The following EEIG2 variants were observed in gnomAD, a reference collection of about 807,000 sequenced individuals.
EEIG2 encodes EEIG family member 2, also known as family with sequence similarity 102 member B.
chr1:108,582,025 A>G, the EEIG2 span, among the ~76,000 whole-genome samples: 1 of 152,088 alleles, frequency 6.6e-6, no homozygotes, highest in Non-Finnish European at 1.5e-5. Context: ...AACAACCACC[A>G]CCCTGTCAGT....
At chr1:108,611,026 C>T in the EEIG2 span, among the ~76,000 whole-genome samples, 1 of 152,166 alleles carries the variant, frequency 6.6e-6, no homozygotes, top group South Asian at 2.1e-4. Flanking sequence ...TGATGTGTGT[C>T]TGACTTATTG....
At chr1:108,577,802 G>C in the EEIG2 span, among the ~76,000 whole-genome samples, 10 of 145,972 alleles carry the variant, frequency 6.9e-5, no homozygotes, top group Non-Finnish European at 6.1e-5. Context: ...GGTTCCATAT[G>C]AACTTTAAAG....
At chr1:108,634,731 CATT>C in the EEIG2 span, among the ~76,000 whole-genome samples, 2 of 152,310 alleles carry the variant, frequency 1.3e-5, no homozygotes, top group East Asian at 1.9e-4. Flanking sequence ...AGACCATCAT[CATT>C]AACTCAGTGC....
chr1:108,620,601 G>A, the EEIG2 span, among the ~76,000 whole-genome samples: 2 of 152,252 alleles, frequency 1.3e-5, no homozygotes, highest in Admixed American at 6.5e-5. Flanking sequence ...AGGTTCTGAC[G>A]CGTTCATATT....
At chr1:108,600,562 T>C in the EEIG2 span, 2 of 1,611,218 alleles carry the variant, frequency 1.2e-6, no homozygotes, top group Admixed American at 1.7e-5. Context: ...TTTCTTTCCT[T>C]CAGGGAGGTG....
chr1:108,583,892 A>G, the EEIG2 span, among the ~76,000 whole-genome samples: 16 of 152,278 alleles, frequency 1.1e-4, no homozygotes, highest in South Asian at 1.2e-3. Flanking sequence ...TTGGGGAGGT[A>G]TGTGGTATCA....
the EEIG2 span, among the ~76,000 whole-genome samples, chr1:108,614,148 G>A: frequency 7.1e-6 from 1 of 141,366 alleles, no homozygotes; most frequent in Non-Finnish European, 1.5e-5. Context: ...AATTTCATGG[G>A]TCCATAAGGG....
At chr1:108,583,820 C>T in the EEIG2 span, among the ~76,000 whole-genome samples, 5 of 151,994 alleles carry the variant, frequency 3.3e-5, no homozygotes, top group African/African-American at 1.2e-4. Flanking sequence ...GGACAAAACA[C>T]AAGGGCCAGA....
At chr1:108,565,752 C>T in the EEIG2 span, among the ~76,000 whole-genome samples, 2 of 152,098 alleles carry the variant, frequency 1.3e-5, no homozygotes, top group Non-Finnish European at 2.9e-5. Context: ...TCTAAACAAG[C>T]GGAAAGGATT....
At chr1:108,604,084 C>G in the EEIG2 span, among the ~76,000 whole-genome samples, 5 of 152,182 alleles carry the variant, frequency 3.3e-5, no homozygotes, top group Non-Finnish European at 5.9e-5. Context: ...TATCGAACCA[C>G]AGATTCAGAA....
At chr1:108,602,389 C>T in the EEIG2 span, among the ~76,000 whole-genome samples, 1 of 152,168 alleles carries the variant, frequency 6.6e-6, no homozygotes, top group Non-Finnish European at 1.5e-5. Flanking sequence ...TCACACCTCT[C>T]GCCTAATGTC....
At chr1:108,604,154 G>A in the EEIG2 span, among the ~76,000 whole-genome samples, 1 of 152,362 alleles carries the variant, frequency 6.6e-6, no homozygotes, top group African/African-American at 2.4e-5. Flanking sequence ...GACAAGACCA[G>A]CCTGGCTGTG....
chr1:108,631,109 T>TA, the EEIG2 span: 1 of 397,590 alleles, frequency 2.5e-6, no homozygotes, highest in East Asian at 8.3e-5. Flanking sequence ...GATGTAACAC[T>TA]ATTTAGATCT....
At chr1:108,583,448 C>CTT in the EEIG2 span, among the ~76,000 whole-genome samples, 31 of 143,736 alleles carry the variant, frequency 2.2e-4, no homozygotes, top group African/African-American at 6.1e-4. Context: ...AACCCTCCTG[C>CTT]TTTTTTTTTT....
At chr1:108,576,544 G>A in the EEIG2 span, among the ~76,000 whole-genome samples, 1 of 136,772 alleles carries the variant, frequency 7.3e-6, no homozygotes, top group Non-Finnish European at 1.6e-5. Context: ...AGAATATGCG[G>A]TGTTTGGTTT....
chr1:108,583,047 A>G, the EEIG2 span, among the ~76,000 whole-genome samples: 1 of 152,136 alleles, frequency 6.6e-6, no homozygotes, highest in African/African-American at 2.4e-5. Flanking sequence ...AATGTTACCT[A>G]TCAGAGGTAA....
chr1:108,629,711 A>C, the EEIG2 span: 5 of 1,374,432 alleles, frequency 3.6e-6, no homozygotes, highest in Admixed American at 8.6e-5. Context: ...TTTTAAAAAA[A>C]TCATGAGTAG....
At chr1:108,571,856 C>A in the EEIG2 span, among the ~76,000 whole-genome samples, 1 of 152,176 alleles carries the variant, frequency 6.6e-6, no homozygotes, top group Admixed American at 6.5e-5. Context: ...AGTCTTTTAA[C>A]TATTATTTCA....
chr1:108,585,908 T>A, the EEIG2 span, among the ~76,000 whole-genome samples: 9,947 of 152,186 alleles, frequency 0.065, 451 homozygotes, highest in Middle Eastern at 0.12. Flanking sequence ...TTTCCAAGTA[T>A]GTCTTGGTGA....
Sources: gnomAD v4.1 joint callset for allele counts (sites outside exome capture counted in the v4.1 genomes callset) on GRCh38, gnomAD v4.1.1 for gene constraint, MANE v1.5 for transcripts, NCBI Gene and HGNC (gene_info 2026-07-23, HGNC 2026-07-21) for gene names.